Variants in RNF217 observed in about 807,000 individuals in gnomAD.
The protein encoded by RNF217 is ring finger protein 217.
RNF217 carries 31 observed loss-of-function variants against 57.8 expected under a neutral mutation model. That is an observed-to-expected ratio of 0.54 (90% confidence interval 0.40 to 0.72). The LOEUF (loss-of-function observed/expected upper bound fraction) is 0.72. Among genes scored for constraint, RNF217 ranks in the 30% least tolerant of loss-of-function variants. The probability of loss-of-function intolerance (pLI) is 0.00; values close to 1 mark genes in which losing one functional copy is unlikely to be tolerated. For synonymous variants in RNF217, 313 were observed against 294.0 expected (o/e 1.06, Z -0.66); for missense variants, 696 against 708.3 (o/e 0.98, Z 0.20).
At chr6:125,000,800 T>G (rs1784949821) in intron 1 of RNF217, among the ~76,000 whole-genome samples, 1 of 152,100 alleles carries the variant, frequency 6.6e-6, no homozygotes, top group Non-Finnish European at 1.5e-5. Flanking sequence ...GGGGTAGTCC[T>G]AAGTGGATAA....
chr6:125,044,824 G>A (rs764656812), intron 1 of RNF217, among the ~76,000 whole-genome samples: 1 of 151,990 alleles, frequency 6.6e-6, no homozygotes, highest in African/African-American at 2.4e-5. Context: ...CCTTTTATTT[G>A]GCATGTTGTC....
chr6:125,023,094 G>A (rs1048801148), intron 1 of RNF217, among the ~76,000 whole-genome samples: 1 of 152,144 alleles, frequency 6.6e-6, no homozygotes, highest in African/African-American at 2.4e-5. Flanking sequence ...ACAGGAATAA[G>A]CACAGGTTGC....
intron 3 of RNF217, among the ~76,000 whole-genome samples, chr6:125,062,419 C>T (rs867907886): frequency 3.4e-5 from 5 of 145,718 alleles, no homozygotes; most frequent in Admixed American, 1.3e-4. Flanking sequence ...GATCAAGATA[C>T]TTACTTACAA....
chr6:125,073,045 C>A (rs1471724551), intron 3 of RNF217, among the ~76,000 whole-genome samples: 1 of 152,140 alleles, frequency 6.6e-6, no homozygotes. Context: ...GGTAGATCAC[C>A]CACGACACTG....
rs558169561 is a variant in RNF217 at position 125,073,592 on chromosome 6, C to T, written c.1282-3065C>T. 2.1e-4 allele frequency among the ~76,000 whole-genome samples: 32 copies of T among 152,254 alleles called. 1 individual carries two copies. The South Asian group carries it at 5.8e-3, about 28-fold the overall frequency. On this transcript the variant is annotated intron_variant, in intron 3 of 5. Coordinates refer to ENST00000521654, the MANE Select transcript of RNF217 (RefSeq NM_001286398.3). ...CCCATAGCAAGAAACATGAGTTTTG[C>T]TTTTCTTGCCCAAATCATGATTTGT...
At chr6:124,985,558 T>C (rs893060908) in intron 1 of RNF217, among the ~76,000 whole-genome samples, 1 of 152,164 alleles carries the variant, frequency 6.6e-6, no homozygotes, top group African/African-American at 2.4e-5. Flanking sequence ...TAATTTTAAC[T>C]AAATCTCTAC....
chr6:124,996,306 G>A, intron 1 of RNF217, among the ~76,000 whole-genome samples: 1 of 151,958 alleles, frequency 6.6e-6, no homozygotes, highest in East Asian at 1.9e-4. Context: ...TTTTAATTTT[G>A]AAGATTTTTT....
At chr6:124,980,304 A>T (rs887355484) in intron 1 of RNF217, among the ~76,000 whole-genome samples, 1 of 152,070 alleles carries the variant, frequency 6.6e-6, no homozygotes, top group African/African-American at 2.4e-5. Flanking sequence ...GCTTTTTTTC[A>T]GTCTTTCGTT....
Position 125,081,500 on chromosome 6 carries a change from T to G in RNF217, c.1548T>G (p.Val516=). 1 of 1,610,444 alleles carries G rather than the reference T, an allele frequency of 6.2e-7. No individual in the cohort carries two copies. The highest frequency in any genetic ancestry group is 8.5e-7 in the Non-Finnish European group (1 of 1,177,532). The change falls in exon 5 of 6, where the codon GTT becomes GTG. Residue 516 remains valine, a synonymous_variant. Transcript: ENST00000521654. ...GATTGGCACTAGGGGCCATAGCGGT[T>G]GTAATCGGTAAGAAACACTTCATGC... ...VLGLALGAIA[V]VIGLFVFPIY...
At chr6:125,081,936 A>G (rs1387220955) in intron 5 of RNF217, among the ~76,000 whole-genome samples, 1 of 152,144 alleles carries the variant, frequency 6.6e-6, no homozygotes, top group African/African-American at 2.4e-5. Context: ...CAGTGTGTAC[A>G]GGAACATATA....
At chr6:124,969,187 ATTAC>A (rs762550829) in intron 1 of RNF217, among the ~76,000 whole-genome samples, 7 of 152,188 alleles carry the variant, frequency 4.6e-5, no homozygotes, top group African/African-American at 1.7e-4. Flanking sequence ...TTATAAATCT[ATTAC>A]TTATTTCTTA....
At chr6:125,036,033 C>T (rs1786599431) in intron 1 of RNF217, among the ~76,000 whole-genome samples, 1 of 151,960 alleles carries the variant, frequency 6.6e-6, no homozygotes, top group Non-Finnish European at 1.5e-5. Context: ...AGGCTTTAAG[C>T]CCCGCATGCG....
At chr6:125,050,531 G>A (rs746277994) in intron 2 of RNF217, among the ~76,000 whole-genome samples, 1 of 151,780 alleles carries the variant, frequency 6.6e-6, no homozygotes, top group South Asian at 2.1e-4. Context: ...TTTCTCATGT[G>A]GTAAAAGAAT....
intron 1 of RNF217, among the ~76,000 whole-genome samples, chr6:125,013,487 G>C (rs1366202649): frequency 1.3e-5 from 2 of 151,618 alleles, no homozygotes; most frequent in African/African-American, 4.8e-5. Flanking sequence ...AACATCTAGA[G>C]GGGGAGCTTT....
intron 1 of RNF217, among the ~76,000 whole-genome samples, chr6:125,030,385 C>A (rs1352876863): frequency 6.6e-6 from 1 of 152,104 alleles, no homozygotes; most frequent in Non-Finnish European, 1.5e-5. Flanking sequence ...AGTCCACAGT[C>A]CAAAATCCCA....
chr6:124,968,956 A>G (rs187933850), intron 1 of RNF217, among the ~76,000 whole-genome samples: 1 of 152,372 alleles, frequency 6.6e-6, no homozygotes, highest in African/African-American at 2.4e-5. Context: ...GAGATACTCT[A>G]TAAATGTATT....
rs1432133857 is a variant in RNF217 at position 125,089,511 on chromosome 6, G to A, written c.*6574G>A. On this transcript the variant is annotated 3_prime_UTR_variant, in exon 6 of 6. Coordinates refer to ENST00000521654, the MANE Select transcript of RNF217 (RefSeq NM_001286398.3). ...GTTAGATTTTTAATAATCTAAAGTA[G>A]GTCACATTGAATGTAACTGATATTA... 1 of 152,032 alleles carries A rather than the reference G, an allele frequency of 6.6e-6. No homozygotes were observed. The highest frequency in any genetic ancestry group is 1.5e-5 in the Non-Finnish European group (1 of 67,992). The allele number at this position is 152,032 out of a possible 1,614,324, so 9.4% of individuals were successfully genotyped here. A position where few individuals can be genotyped will look rare whatever the true frequency, so the allele number is the denominator to read the frequency against.
Position 124,966,739 on chromosome 6 carries a change from G to A in RNF217, c.882+3313G>A, listed in dbSNP as rs151138311. 1.6e-4 allele frequency among the ~76,000 whole-genome samples: 24 copies of A among 152,340 alleles called. No homozygotes were observed. The East Asian group carries it at 4.6e-3, about 29-fold the overall frequency. ...GATGCACAGTTCTTTGAAAGAAGAT[G>A]TCAACTTGGAAGATAGGAATATGGA... is the stretch of plus-strand genomic sequence containing the variant. On this transcript the variant is annotated intron_variant, in intron 1 of 5. Transcript: ENST00000521654.
chr6:124,965,844 G>A (rs1038585516), intron 1 of RNF217, among the ~76,000 whole-genome samples: 3 of 152,002 alleles, frequency 2.0e-5, no homozygotes, highest in Admixed American at 2.0e-4. Context: ...TTTCTCCATA[G>A]CACTAACATA....
Sources: allele counts gnomAD v4.1 joint callset (sites outside exome capture counted in the v4.1 genomes callset), GRCh38; gene constraint gnomAD v4.1.1; transcripts MANE v1.5; gene names NCBI Gene and HGNC (gene_info 2026-07-23, HGNC 2026-07-21).